Variants in FBXL7 observed in about 807,000 individuals in gnomAD.
FBXL7 encodes F-box/LRR-repeat protein 7.
FBXL7 carries 12 observed loss-of-function variants against 38.3 expected under a neutral mutation model. The observed-to-expected ratio is 0.31, with a 90% CI of 0.20 to 0.51. The LOEUF is 0.51. Ranked by LOEUF, FBXL7 falls within the 20% of genes least tolerant of loss-of-function variation. FBXL7 has a pLI of 0.98. For missense variants in FBXL7, 567 were observed against 676.4 expected, an observed-to-expected ratio of 0.84 and a Z score of 1.79; for synonymous variants, 297 against 300.9, an observed-to-expected ratio of 0.99 and a Z score of 0.13.
intron 1 of FBXL7, among the ~76,000 whole-genome samples, chr5:15,556,013 C>T (rs1415922661): frequency 6.7e-6 from 1 of 150,324 alleles, no homozygotes; most frequent in East Asian, 2.0e-4. Context: ...ATCTATCTAT[C>T]TATCATCTAT....
At chr5:15,801,238 C>A (rs1374949918) in intron 2 of FBXL7, among the ~76,000 whole-genome samples, 1 of 152,128 alleles carries the variant, frequency 6.6e-6, no homozygotes, top group Non-Finnish European at 1.5e-5. Flanking sequence ...ATACTATAGG[C>A]TGGCCAAGCT....
chr5:15,742,298 GA>G (rs1471313840), intron 2 of FBXL7, among the ~76,000 whole-genome samples: 2 of 152,192 alleles, frequency 1.3e-5, no homozygotes, highest in Non-Finnish European at 2.9e-5. Flanking sequence ...AGAGTCTGGG[GA>G]AGGAGCAAAC....
chr5:15,751,586 C>T (rs762743017), intron 2 of FBXL7, among the ~76,000 whole-genome samples: 39 of 152,172 alleles, frequency 2.6e-4, no homozygotes, highest in Non-Finnish European at 5.1e-4. Flanking sequence ...GACCATACAA[C>T]TTACACACAA....
At chr5:15,568,184 A>C (rs1471097946) in intron 1 of FBXL7, among the ~76,000 whole-genome samples, 3 of 151,968 alleles carry the variant, frequency 2.0e-5, no homozygotes, top group African/African-American at 7.3e-5. Context: ...TGACTTCCAC[A>C]ATGGTTGAAC....
intron 1 of FBXL7, among the ~76,000 whole-genome samples, chr5:15,521,709 T>A (rs986775492): frequency 1.3e-5 from 2 of 152,212 alleles, no homozygotes; most frequent in Admixed American, 1.3e-4. Context: ...GACGTGAAGA[T>A]GAGTAAGTGC....
intron 2 of FBXL7, among the ~76,000 whole-genome samples, chr5:15,725,410 A>C (rs1436651951): frequency 5.3e-5 from 8 of 152,036 alleles, no homozygotes; most frequent in Non-Finnish European, 1.0e-4. Flanking sequence ...GTTATTTAAG[A>C]GTGTTGCTTA....
Position 15,924,141 on chromosome 5 carries a change from CA to C in FBXL7, c.128-3745del, listed in dbSNP as rs201754880. ...TAACTTGGATGGCAGTTTTGAAGTC[CA>C]AAATTGGTTTATATTTAAGATTTTC... On this transcript the variant is annotated intron_variant, in intron 2 of 3. Transcript: ENST00000504595. Among the ~76,000 whole-genome samples, 6 of 152,142 alleles carry C rather than the reference CA, an allele frequency of 3.9e-5. No homozygotes were observed. The East Asian group carries it at 1.2e-3, about 29-fold the overall frequency.
chr5:15,793,844 A>G (rs1737342598), intron 2 of FBXL7, among the ~76,000 whole-genome samples: 1 of 152,140 alleles, frequency 6.6e-6, no homozygotes, highest in Admixed American at 6.5e-5. Context: ...GAGTTTCTGC[A>G]GTGTGTTGTC....
intron 2 of FBXL7, among the ~76,000 whole-genome samples, chr5:15,789,151 A>G (rs1466703324): frequency 6.6e-6 from 1 of 152,086 alleles, no homozygotes. Context: ...TGCCCAGCCA[A>G]TGGCACCTCT....
chr5:15,777,223 A>G (rs900340568), intron 2 of FBXL7, among the ~76,000 whole-genome samples: 10 of 151,966 alleles, frequency 6.6e-5, no homozygotes, highest in African/African-American at 2.4e-4. Context: ...CTAGGGGCAA[A>G]CCCCCACCTT....
At chr5:15,550,945 G>A (rs574680059) in intron 1 of FBXL7, among the ~76,000 whole-genome samples, 2 of 152,332 alleles carry the variant, frequency 1.3e-5, no homozygotes, top group South Asian at 2.1e-4. Context: ...AGTAGCATAT[G>A]AACAAATGTT....
At chr5:15,556,052 T>G (rs1281820106) in intron 1 of FBXL7, among the ~76,000 whole-genome samples, 1 of 151,256 alleles carries the variant, frequency 6.6e-6, no homozygotes, top group East Asian at 2.0e-4. Flanking sequence ...TCATCTATTA[T>G]CTATCATTAT....
chr5:15,769,917 CT>C (rs1003268765), intron 2 of FBXL7, among the ~76,000 whole-genome samples: 1 of 152,076 alleles, frequency 6.6e-6, no homozygotes, highest in Non-Finnish European at 1.5e-5. Context: ...ACCTTTGAAA[CT>C]TTTTTTGTAA....
At chr5:15,581,695 C>G (rs889316935) in intron 1 of FBXL7, among the ~76,000 whole-genome samples, 2 of 152,118 alleles carry the variant, frequency 1.3e-5, no homozygotes, top group East Asian at 3.9e-4. Flanking sequence ...ATAAGTTAGA[C>G]TCTCTTGTCT....
chr5:15,884,532 G>A (rs1436681154), intron 2 of FBXL7, among the ~76,000 whole-genome samples: 3 of 152,060 alleles, frequency 2.0e-5, no homozygotes, highest in African/African-American at 7.2e-5. Flanking sequence ...TTCCTTAGAG[G>A]CCTCATCTTT....
chr5:15,657,790 A>T (rs2126579683), intron 2 of FBXL7, among the ~76,000 whole-genome samples: 1 of 152,228 alleles, frequency 6.6e-6, no homozygotes, highest in Middle Eastern at 3.4e-3. Context: ...GTGAGCCGAG[A>T]TCACGGCATT....
intron 2 of FBXL7, among the ~76,000 whole-genome samples, chr5:15,678,453 A>G (rs1441382254): frequency 1.3e-5 from 2 of 152,238 alleles, no homozygotes; most frequent in Non-Finnish European, 2.9e-5. Flanking sequence ...ATTTGTGGAC[A>G]TCTTCAAGAT....
At chr5:15,617,266 AAGGCTGGC>A (rs1241148643) in intron 2 of FBXL7, among the ~76,000 whole-genome samples, 14 of 152,162 alleles carry the variant, frequency 9.2e-5, no homozygotes, top group Admixed American at 5.2e-4. Context: ...CCAACATCGT[AAGGCTGGC>A]AGATTGGAGT....
chr5:15,515,007 T>G (rs1249803809), intron 1 of FBXL7, among the ~76,000 whole-genome samples: 2 of 152,180 alleles, frequency 1.3e-5, no homozygotes, highest in Non-Finnish European at 2.9e-5. Context: ...TTTCATAAGG[T>G]GATCCCACGG....
Sources: allele counts gnomAD v4.1 joint callset (sites outside exome capture counted in the v4.1 genomes callset), GRCh38; gene constraint gnomAD v4.1.1; transcripts MANE v1.5; gene names NCBI Gene and HGNC (gene_info 2026-07-23, HGNC 2026-07-21).